MCF2L2: variants seen among roughly 807,000 people sequenced by gnomAD.
MCF2L2 encodes MCF.2 cell line derived transforming sequence-like 2.
MCF2L2 carries 102 observed loss-of-function variants against 150.2 expected under a neutral mutation model. That is an observed-to-expected ratio of 0.68 (90% CI 0.58 to 0.80). MCF2L2 has a LOEUF of 0.80. MCF2L2 is among the 30% of genes least tolerant of loss of function. The pLI, the probability that MCF2L2 is intolerant of heterozygous loss-of-function variation, is 0.00. For missense variants in MCF2L2, 1,256 were observed against 1,372.8 expected (o/e 0.91, Z 1.34); for synonymous variants, 465 against 491.3 (o/e 0.95, Z 0.71).
At chr3:183,224,317 A>G (rs564063128) in intron 18 of MCF2L2, 127 bp from the exon 19 acceptor site, 2 of 638,346 alleles carry the variant, frequency 3.1e-6, no homozygotes, top group Non-Finnish European at 5.6e-6. Flanking sequence ...GGGGGTGTAC[A>G]GTAAGTAATC....
intron 3 of MCF2L2, 196 bp downstream of exon 3, chr3:183,379,101 G>C (rs1265154700): frequency 9.6e-6 from 5 of 521,696 alleles, no homozygotes; most frequent in Admixed American, 4.1e-5. Context: ...CAAAACTGAG[G>C]CTTGTTTGTC....
rs1723418289 is a variant in MCF2L2 at position 183,228,189 on chromosome 3, A to G, written c.2115+108T>C. ...TTCAGTAAAGCTTGGAGTCGGAGGG[A>G]AGCAGATATGTTTTTAGACCATTGA... is the stretch of plus-strand genomic sequence containing the variant. On this transcript the variant is annotated intron_variant, in intron 18 of 29. Coordinates refer to ENST00000328913, the MANE Select transcript of MCF2L2 (RefSeq NM_015078.4). 3 of 765,880 alleles carry G rather than the reference A, an allele frequency of 3.9e-6. No individual in the cohort carries two copies. In the Admixed American group the frequency reaches 6.5e-5, roughly 17 times the overall value. The allele number at this position is 765,880 out of a possible 1,614,324, so 47.4% of individuals were successfully genotyped here. A position where few individuals can be genotyped will look rare whatever the true frequency, so the allele number is the denominator to read the frequency against.
At chr3:183,332,997 A>G (rs904228833) in intron 5 of MCF2L2, among the ~76,000 whole-genome samples, 3 of 152,130 alleles carry the variant, frequency 2.0e-5, no homozygotes, top group Admixed American at 6.6e-5. Context: ...CCCTTGTCTA[A>G]GATGGCAAGT....
chr3:183,244,872 G>A (rs1724181883), intron 15 of MCF2L2, among the ~76,000 whole-genome samples: 1 of 151,564 alleles, frequency 6.6e-6, no homozygotes, highest in Non-Finnish European at 1.5e-5. Context: ...CCTATGTTTG[G>A]GGTGCATCTA....
intron 14 of MCF2L2, among the ~76,000 whole-genome samples, chr3:183,287,182 AT>A (rs1190284958): frequency 6.6e-6 from 1 of 152,226 alleles, no homozygotes; most frequent in Non-Finnish European, 1.5e-5. Flanking sequence ...CAACAAAAAA[AT>A]AGCACTTGTT....
At chr3:183,383,320 C>T (rs560897711) in intron 2 of MCF2L2, among the ~76,000 whole-genome samples, 8 of 152,180 alleles carry the variant, frequency 5.3e-5, no homozygotes, top group Middle Eastern at 3.4e-3. Flanking sequence ...CCACAACCTC[C>T]GCCTCTCGGG....
chr3:183,393,263 G>A (rs1196867416), intron 1 of MCF2L2, among the ~76,000 whole-genome samples: 3 of 149,418 alleles, frequency 2.0e-5, no homozygotes, highest in African/African-American at 5.0e-5. Flanking sequence ...GCATGATCTC[G>A]GCTCACTGCA....
chr3:183,274,518 AT>A (rs1727041015), intron 15 of MCF2L2, among the ~76,000 whole-genome samples: 1 of 152,168 alleles, frequency 6.6e-6, no homozygotes, highest in Non-Finnish European at 1.5e-5. Flanking sequence ...CACATGGCAT[AT>A]TGTGTAACTC....
chr3:183,239,993 A>T (rs916149440), intron 15 of MCF2L2, among the ~76,000 whole-genome samples: 3 of 152,206 alleles, frequency 2.0e-5, no homozygotes, highest in African/African-American at 7.2e-5. Flanking sequence ...TCCCTAAAAC[A>T]CAGGTGTTGT....
chr3:183,198,982 C>G (rs1259075273), intron 25 of MCF2L2, among the ~76,000 whole-genome samples: 1 of 151,886 alleles, frequency 6.6e-6, no homozygotes, highest in Non-Finnish European at 1.5e-5. Context: ...AGTTTTTTTC[C>G]CATCTTATCT....
intron 1 of MCF2L2, among the ~76,000 whole-genome samples, chr3:183,398,406 C>G (rs1451900869): frequency 6.6e-6 from 1 of 152,138 alleles, no homozygotes; most frequent in Non-Finnish European, 1.5e-5. Flanking sequence ...GAGAAGACAG[C>G]TCTCTGACTG....
chr3:183,261,961 T>TA (rs59219335), intron 15 of MCF2L2, among the ~76,000 whole-genome samples: 8,836 of 112,008 alleles, frequency 0.079, 390 homozygotes, highest in Non-Finnish European at 0.11. Context: ...TGTCCAGCAT[T>TA]AAAAAAAAAA....
chr3:183,413,326 A>G (rs943401101), intron 1 of MCF2L2, among the ~76,000 whole-genome samples: 2 of 152,194 alleles, frequency 1.3e-5, no homozygotes, highest in African/African-American at 4.8e-5. Flanking sequence ...TATGTATTAT[A>G]AACTGTATTC....
intron 16 of MCF2L2, among the ~76,000 whole-genome samples, chr3:183,230,394 G>A (rs1015346926): frequency 1.3e-5 from 2 of 152,190 alleles, no homozygotes; most frequent in African/African-American, 2.4e-5. Flanking sequence ...GATTACAGGC[G>A]TGAGCCACTG....
chr3:183,229,820 A>G (rs1194132653), intron 16 of MCF2L2, 39 bp from the exon 17 acceptor site: 4 of 876,296 alleles, frequency 4.6e-6, no homozygotes, highest in Non-Finnish European at 7.4e-6. Flanking sequence ...ACAAACAGGA[A>G]CATACCAGAG....
At chr3:183,237,870 G>A (rs1439562770) in intron 15 of MCF2L2, among the ~76,000 whole-genome samples, 1 of 78,504 alleles carries the variant, frequency 1.3e-5, no homozygotes, top group East Asian at 3.1e-4. Flanking sequence ...ACACTGCTTT[G>A]AATGCGTCCC....
chr3:183,347,653 C>T (rs1730953877), intron 3 of MCF2L2, among the ~76,000 whole-genome samples: 1 of 152,140 alleles, frequency 6.6e-6, no homozygotes, highest in South Asian at 2.1e-4. Flanking sequence ...GCAATCTATC[C>T]ATCTGACAAA....
At chr3:183,246,763 A>G (rs924692727) in intron 15 of MCF2L2, among the ~76,000 whole-genome samples, 8 of 152,254 alleles carry the variant, frequency 5.3e-5, no homozygotes, top group Non-Finnish European at 5.9e-5. Context: ...GAATTGCCAT[A>G]CCACCCGCTA....
intron 14 of MCF2L2, among the ~76,000 whole-genome samples, chr3:183,277,169 T>G (rs1003046527): frequency 6.6e-6 from 1 of 152,024 alleles, no homozygotes; most frequent in Admixed American, 6.6e-5. Context: ...CACTAAAAAC[T>G]CCTTCCCAAA....
Sources: allele counts gnomAD v4.1 joint callset (sites outside exome capture counted in the v4.1 genomes callset), GRCh38; gene constraint gnomAD v4.1.1; transcripts MANE v1.5; gene names NCBI Gene and HGNC (gene_info 2026-07-23, HGNC 2026-07-21).